PSMD12: variants seen among roughly 807,000 people sequenced by gnomAD.
PSMD12 encodes 26S proteasome non-ATPase regulatory subunit 12.
A neutral mutation model predicts 62.9 loss-of-function variants in PSMD12; 8 were observed. That is an observed-to-expected ratio of 0.13 (90% CI 0.07 to 0.23). The LOEUF is 0.23. PSMD12 is among the 10% of genes least tolerant of loss of function. PSMD12 has a pLI of 1.00. For missense variants in PSMD12, 424 were observed against 550.2 expected (o/e 0.77, Z 2.29); for synonymous variants, 173 against 187.4 (o/e 0.92, Z 0.63).
chr17:67,351,445 C>T (rs972543320), intron 3 of PSMD12, among the ~76,000 whole-genome samples: 9 of 134,468 alleles, frequency 6.7e-5, no homozygotes, highest in African/African-American at 2.5e-4. Flanking sequence ...GACCATGAGT[C>T]ATCAAGAAAA....
chr17:67,342,338 C>G, intron 9 of PSMD12, 75 bp from the exon 10 acceptor site: 1 of 981,212 alleles, frequency 1.0e-6, no homozygotes, highest in Non-Finnish European at 1.6e-6. Context: ...ATTTTCATAT[C>G]CAAGTAAGTT....
intron 1 of PSMD12, among the ~76,000 whole-genome samples, chr17:67,357,820 T>C (rs1273520690): frequency 6.6e-6 from 1 of 152,208 alleles, no homozygotes. Context: ...TTTAAATGCC[T>C]AAGAGAAACT....
intron 1 of PSMD12, among the ~76,000 whole-genome samples, chr17:67,358,567 C>CAAAAAAAAAAAAAAAAAAAAAAAAA (rs398039153): frequency 2.0e-4 from 15 of 74,048 alleles, no homozygotes; most frequent in Admixed American, 3.6e-4. Flanking sequence ...GAACCTGTCT[C>CAAAAAAAAAAAAAAAAAAAAAAAAA]AAAAAAAAAA....
rs541355396 is a variant in PSMD12 at position 67,338,437 on chromosome 17, T to C, written c.*2406A>G. The C allele has an allele frequency of 4.7e-4, 72 of 152,358 alleles. No homozygotes were observed. Among genetic ancestry groups the C allele is most frequent in the African/African-American group, 1.7e-3 (71 of 41,576 alleles). 9.4% of individuals were successfully genotyped at this position (152,358 alleles called of 1,614,324 possible). A position where few individuals can be genotyped will look rare whatever the true frequency, so the allele number is the denominator to read the frequency against. On this transcript the variant is annotated 3_prime_UTR_variant, in exon 11 of 11. Transcript: ENST00000356126. ...CCTCATATATTTGCTGGATTAATGT[T>C]TGACAGGAAAAAACACGAAATGGAT...
chr17:67,357,605 TA>T, intron 1 of PSMD12, 27 bp from the exon 2 acceptor site: 3 of 1,595,838 alleles, frequency 1.9e-6, no homozygotes, highest in African/African-American at 1.3e-5. Flanking sequence ...AAATGAACAA[TA>T]AAAAAACACA....
chr17:67,363,727 C>T lies in PSMD12; in HGVS notation c.108+2685G>A, dbSNP rs2042154835. ...AATGTTAATTTTTTTTTATGTTTGG[C>T]AGAATGGTTAGAAAATAATATGAAA... On this transcript the variant is annotated intron_variant, in intron 1 of 10. Coordinates refer to ENST00000356126, the MANE Select transcript of PSMD12 (RefSeq NM_002816.5). Among the ~76,000 whole-genome samples the T allele has an allele frequency of 2.0e-5, 3 of 151,868 alleles. No homozygotes were observed. In the South Asian group the frequency reaches 6.2e-4, roughly 32 times the overall value.
chr17:67,349,760 A>C (rs2042000736), intron 4 of PSMD12, among the ~76,000 whole-genome samples: 1 of 152,224 alleles, frequency 6.6e-6, no homozygotes, highest in Non-Finnish European at 1.5e-5. Context: ...TTAAACACCA[A>C]AAATATGACT....
chr17:67,350,194 C>A, intron 4 of PSMD12, 35 bp downstream of exon 4: 1 of 1,391,140 alleles, frequency 7.2e-7, no homozygotes, highest in South Asian at 1.2e-5. Context: ...AAAAACAGTT[C>A]ATATCATTTT....
intron 1 of PSMD12, chr17:67,363,037 T>A (rs1253539343): frequency 6.6e-6 from 1 of 152,220 alleles, no homozygotes; most frequent in Non-Finnish European, 1.5e-5. Context: ...CAACTACAAG[T>A]GATTTAAAGG....
At chr17:67,355,903 G>A (rs2042064447) in intron 3 of PSMD12, among the ~76,000 whole-genome samples, 1 of 151,888 alleles carries the variant, frequency 6.6e-6, no homozygotes, top group Non-Finnish European at 1.5e-5. Context: ...TGAGGTGGGA[G>A]GATCACTTAA....
chr17:67,345,610 C>T, intron 8 of PSMD12, 135 bp downstream of exon 8: 1 of 698,104 alleles, frequency 1.4e-6, no homozygotes, highest in South Asian at 1.8e-5. Flanking sequence ...CCATTACACT[C>T]CAGTGTGGGC....
chr17:67,355,935 C>T (rs1398560228), intron 3 of PSMD12, among the ~76,000 whole-genome samples: 1 of 151,296 alleles, frequency 6.6e-6, no homozygotes, highest in African/African-American at 2.4e-5. Flanking sequence ...CAAGACCAGC[C>T]TGGGTAATGT....
At chr17:67,357,203 G>A (rs953948783) in intron 3 of PSMD12, 100 bp downstream of exon 3, 12 of 1,334,044 alleles carry the variant, frequency 9.0e-6, no homozygotes, top group Admixed American at 2.7e-5. Flanking sequence ...ATGTTACAAC[G>A]TTGACTTAAC....
At chr17:67,354,737 C>A (rs193287316) in intron 3 of PSMD12, among the ~76,000 whole-genome samples, 1 of 152,120 alleles carries the variant, frequency 6.6e-6, no homozygotes, top group East Asian at 1.9e-4. Flanking sequence ...TGCCTGTAAT[C>A]CCAGCACTTT....
chr17:67,353,234 A>C (rs1304986278), intron 3 of PSMD12, among the ~76,000 whole-genome samples: 2 of 152,212 alleles, frequency 1.3e-5, no homozygotes, highest in Non-Finnish European at 2.9e-5. Context: ...AGTGACAGAC[A>C]ATGAATATAA....
intron 8 of PSMD12, 29 bp from the exon 9 acceptor site, chr17:67,344,809 A>T: frequency 1.4e-6 from 2 of 1,462,846 alleles, no homozygotes; most frequent in Non-Finnish European, 9.2e-7. Context: ...TTAATATTCC[A>T]AATCTGTAAA....
At chr17:67,360,729 T>C (rs1260108175) in intron 1 of PSMD12, among the ~76,000 whole-genome samples, 1 of 152,224 alleles carries the variant, frequency 6.6e-6, no homozygotes, top group East Asian at 1.9e-4. Context: ...CCTCGTTTAC[T>C]TGTCACTTCT....
chr17:67,357,996 A>C (rs999533551), intron 1 of PSMD12, among the ~76,000 whole-genome samples: 1 of 151,630 alleles, frequency 6.6e-6, no homozygotes, highest in African/African-American at 2.4e-5. Context: ...ATCTCGGCTC[A>C]CTGCAACCTC....
Position 67,338,044 on chromosome 17 carries a change from C to A in PSMD12, c.*2799G>T, listed in dbSNP as rs758126685. The A allele has an allele frequency of 6.6e-6, 1 of 152,038 alleles. No individual in the cohort carries two copies. Among genetic ancestry groups the A allele is most frequent in the Admixed American group, 6.6e-5 (1 of 15,262 alleles). The allele number at this position is 152,038 out of a possible 1,614,324, so 9.4% of individuals were successfully genotyped here. A position where few individuals can be genotyped will look rare whatever the true frequency, so the allele number is the denominator to read the frequency against. ...GTACTTTTATCACATTTAACACTTA[C>A]AAGAGAGAAAATGGAACTGTTTGAA... On this transcript the variant is annotated 3_prime_UTR_variant, in exon 11 of 11. Transcript: ENST00000356126.
Sources: gnomAD v4.1 joint callset for allele counts (sites outside exome capture counted in the v4.1 genomes callset) on GRCh38, gnomAD v4.1.1 for gene constraint, MANE v1.5 for transcripts, NCBI Gene and HGNC (gene_info 2026-07-23, HGNC 2026-07-21) for gene names.